BEND4: variants seen among roughly 807,000 people sequenced by gnomAD.
BEND4 encodes the protein BEN domain-containing protein 4.
In BEND4, 27 loss-of-function variants were observed where a neutral mutation model predicts 54.7. That is an observed-to-expected ratio of 0.49 (90% confidence interval 0.36 to 0.68). The LOEUF is 0.68. BEND4 is among the 30% of genes least tolerant of loss of function. The probability of loss-of-function intolerance (pLI) is 0.00; values close to 1 mark genes in which losing one functional copy is unlikely to be tolerated. For missense variants in BEND4, 702 were observed against 697.2 expected (o/e 1.01, Z -0.08); for synonymous variants, 327 against 299.5 (o/e 1.09, Z -0.95).
At chr4:42,136,903 A>G (rs952505288) in intron 3 of BEND4, among the ~76,000 whole-genome samples, 7 of 152,230 alleles carry the variant, frequency 4.6e-5, no homozygotes, top group African/African-American at 1.2e-4. Context: ...AACAAGTTAT[A>G]TATTGATCAG....
intron 4 of BEND4, among the ~76,000 whole-genome samples, chr4:42,123,314 C>T (rs1206587297): frequency 6.6e-6 from 1 of 151,688 alleles, no homozygotes; most frequent in Non-Finnish European, 1.5e-5. Context: ...AGATATTTCC[C>T]CTATCTTTTC....
chr4:42,120,326 C>CCGAG (rs1211888284), intron 4 of BEND4, 32 bp from the exon 5 acceptor site: 6 of 1,585,838 alleles, frequency 3.8e-6, no homozygotes, highest in Non-Finnish European at 5.2e-6. Flanking sequence ...TCATTACCCA[C>CCGAG]CGAGCCAGCC....
chr4:42,151,659 G>A lies in BEND4; in HGVS notation c.485C>T (p.Ala162Val). The A allele has an allele frequency of 2.0e-6, 3 of 1,486,330 alleles. No individual in the cohort carries two copies. The highest frequency in any genetic ancestry group is 2.7e-6 in the Non-Finnish European group (3 of 1,122,378). 92.1% of individuals were successfully genotyped at this position (1,486,330 alleles called of 1,614,324 possible). A position where few individuals can be genotyped will look rare whatever the true frequency, so the allele number is the denominator to read the frequency against. ...GSDSASLELSAESRMILDAFA... is the reference protein window; with the variant it reads ...GSDSASLELSVESRMILDAFA... Reference sequence around the variant, plus strand: ...AAAGTTGTGCGGAGAGTTGGTACCTGCGCTGAGCTCCAGGCTGGCGCTGTC... The same window carrying A: ...AAAGTTGTGCGGAGAGTTGGTACCTACGCTGAGCTCCAGGCTGGCGCTGTC... The change falls in exon 2 of 6, where the codon GCA becomes GTA. Residue 162 changes from alanine to valine, a missense_variant and splice_region_variant. Ala to Val is a moderately conservative substitution (Grantham distance 64, BLOSUM62 0). Transcript: ENST00000502486.
In BEND4 at chr4:42,130,501, T is replaced by A. The variant is rs894048175; in HGVS notation, c.1055-4827A>T. On this transcript the variant is annotated intron_variant, in intron 3 of 5. Coordinates refer to ENST00000502486, the MANE Select transcript of BEND4 (RefSeq NM_207406.4). Reference sequence around the variant, plus strand: ...TCTCAAAAAAAAAAAAAAAAAAAAATACCACAATGAGATACCATCTCATGA... The same window carrying A: ...TCTCAAAAAAAAAAAAAAAAAAAAAAACCACAATGAGATACCATCTCATGA... Among the ~76,000 whole-genome samples, 491 of 111,864 alleles carry A rather than the reference T, an allele frequency of 4.4e-3. 2 individuals carry two copies. The highest frequency in any genetic ancestry group is 0.02 in the Middle Eastern group (4 of 196). 73.4% of individuals were successfully genotyped at this position (111,864 alleles called of 152,430 possible).
At chr4:42,131,369 A>G (rs914768900) in intron 3 of BEND4, among the ~76,000 whole-genome samples, 3 of 152,274 alleles carry the variant, frequency 2.0e-5, no homozygotes, top group East Asian at 1.9e-4. Context: ...AGTGTTAACG[A>G]TAATAGTTAA....
Position 42,143,882 on chromosome 4 carries a change from G to C in BEND4, c.600C>G (p.Cys200Trp), listed in dbSNP as rs188730883. ...TGTAACTTGAGCCTTCCTGCTTTAC[G>C]CAAGAAATCATGGACTGAGAATGGT... ...DSNHSQSMIS[C>W]VKQEGSSYNE... Residue 200 changes from cysteine to tryptophan, a missense_variant, in exon 3 of 6, where the codon TGC becomes TGG. Coordinates refer to ENST00000502486, the MANE Select transcript of BEND4 (RefSeq NM_207406.4). 35 of 1,544,558 alleles carry C rather than the reference G, an allele frequency of 2.3e-5. No individual in the cohort carries two copies. The highest frequency in any genetic ancestry group is 2.8e-5 in the African/African-American group (2 of 72,534).
intron 3 of BEND4, among the ~76,000 whole-genome samples, chr4:42,126,650 A>G (rs75935566): frequency 0.039 from 5,983 of 152,300 alleles, 403 homozygotes; most frequent in African/African-American, 0.14. Context: ...CACTACATAA[A>G]TAATGCCTAC....
intron 4 of BEND4, among the ~76,000 whole-genome samples, chr4:42,123,490 A>G (rs1164427814): frequency 6.6e-6 from 1 of 151,976 alleles, no homozygotes; most frequent in African/African-American, 2.4e-5. Context: ...ATTTACTATT[A>G]AGCAAGGAAA....
At chr4:42,135,806 A>C (rs927930375) in intron 3 of BEND4, among the ~76,000 whole-genome samples, 6 of 152,156 alleles carry the variant, frequency 3.9e-5, no homozygotes, top group Non-Finnish European at 5.9e-5. Flanking sequence ...TACAAAAAAA[A>C]CATTCCTAGA....
intron 2 of BEND4, among the ~76,000 whole-genome samples, chr4:42,150,300 A>T (rs1721220268): frequency 6.6e-6 from 1 of 151,944 alleles, no homozygotes; most frequent in Non-Finnish European, 1.5e-5. Flanking sequence ...AGAGCAACTG[A>T]AAAAAAACAT....
chr4:42,144,453 CAG>C (rs1445074802), intron 2 of BEND4, among the ~76,000 whole-genome samples: 2 of 152,200 alleles, frequency 1.3e-5, no homozygotes, highest in African/African-American at 4.8e-5. Flanking sequence ...ACAATCCCTG[CAG>C]AGAGTACATA....
chr4:42,149,379 C>G (rs941870281), intron 2 of BEND4, among the ~76,000 whole-genome samples: 2 of 152,160 alleles, frequency 1.3e-5, no homozygotes, highest in African/African-American at 4.8e-5. Flanking sequence ...ATATTATGAC[C>G]ACAATTCATG....
At chr4:42,131,127 C>T (rs944983523) in intron 3 of BEND4, among the ~76,000 whole-genome samples, 8 of 152,106 alleles carry the variant, frequency 5.3e-5, no homozygotes, top group Admixed American at 2.0e-4. Flanking sequence ...GAGCTTATTG[C>T]GTAGGTGATG....
chr4:42,140,092 G>A (rs1720832566), intron 3 of BEND4, among the ~76,000 whole-genome samples: 1 of 152,182 alleles, frequency 6.6e-6, no homozygotes, highest in South Asian at 2.1e-4. Context: ...AGAGGTAAGG[G>A]CAAGAGGGCA....
chr4:42,123,705 A>AAAAAAACAAAAC (rs1720155182), intron 4 of BEND4, among the ~76,000 whole-genome samples: 1 of 144,908 alleles, frequency 6.9e-6, no homozygotes, highest in Non-Finnish European at 1.5e-5. Context: ...AAAAAAAAAA[A>AAAAAAACAAAAC]AAAAAAAAAA....
intron 3 of BEND4, among the ~76,000 whole-genome samples, chr4:42,131,846 C>A (rs568891439): frequency 5.3e-5 from 8 of 152,164 alleles, no homozygotes; most frequent in Admixed American, 4.6e-4. Context: ...CCTCCCTTCA[C>A]CAAATGTCCT....
chr4:42,114,034 A>T lies in BEND4; in HGVS notation c.*3484T>A, dbSNP rs1719692833. The T allele has an allele frequency of 6.6e-6, 1 of 152,240 alleles. No homozygotes were observed. The highest frequency in any genetic ancestry group is 1.5e-5 in the Non-Finnish European group (1 of 68,026). 9.4% of individuals were successfully genotyped at this position (152,240 alleles called of 1,614,324 possible). ...TACAGAAAGTACTTGTAAAATGTTC[A>T]AGTAAAATGAGAAAGTACTTGTAAA... On this transcript the variant is annotated 3_prime_UTR_variant, in exon 6 of 6. Transcript: ENST00000502486.
Position 42,151,857 on chromosome 4 carries a change from G to C in BEND4, c.287C>G (p.Ala96Gly). ...GCAGGACGGCGACGACGACGAAGCGGCGGCGGCGGCCCGGCCGGGCCCGGG... is the reference window on the plus strand; with the variant it reads ...GCAGGACGGCGACGACGACGAAGCGCCGGCGGCGGCCCGGCCGGGCCCGGG... ...YPPGPGRAAA[A>G]ASSSSPSCTP... Residue 96 changes from alanine (A) to glycine (G), a missense_variant, in exon 2 of 6, where the codon GCC (alanine) becomes GGC (glycine). Physicochemically the swap from Ala to Gly is moderately conservative, Grantham distance 60 (BLOSUM62 0). Transcript: ENST00000502486. 7.6e-7 allele frequency: 1 copy of C among 1,321,284 alleles called. No individual in the cohort carries two copies. Among genetic ancestry groups the C allele is most frequent in the Non-Finnish European group, 9.6e-7 (1 of 1,045,038 alleles). The allele number at this position is 1,321,284 out of a possible 1,614,324, so 81.8% of individuals were successfully genotyped here. A position where few individuals can be genotyped will look rare whatever the true frequency, so the allele number is the denominator to read the frequency against.
At position 42,115,765 on chromosome 4, in the gene BEND4, T is replaced by C. The variant is rs576713517; in HGVS notation, c.*1753A>G. ...TGGTCTCATGGCTGCCGTAAGAACA[T>C]GGCATTTGCCCATATCATTTCTTTT... is the stretch of plus-strand genomic sequence containing the variant. On this transcript the variant is annotated 3_prime_UTR_variant, in exon 6 of 6. Transcript: ENST00000502486. 2.0e-5 allele frequency: 3 copies of C among 152,210 alleles called. No individual in the cohort carries two copies. The highest frequency in any genetic ancestry group is 2.9e-5 in the Non-Finnish European group (2 of 68,032). 9.4% of individuals were successfully genotyped at this position (152,210 alleles called of 1,614,324 possible). A position where few individuals can be genotyped will look rare whatever the true frequency, so the allele number is the denominator to read the frequency against.
Sources: gnomAD v4.1 joint callset for allele counts (sites outside exome capture counted in the v4.1 genomes callset) on GRCh38, gnomAD v4.1.1 for gene constraint, MANE v1.5 for transcripts, NCBI Gene and HGNC (gene_info 2026-07-23, HGNC 2026-07-21) for gene names.